The following EFCAB6 variants were observed in gnomAD, a reference collection of about 807,000 sequenced individuals.
EFCAB6 encodes EF-hand calcium-binding domain-containing protein 6.
EFCAB6 carries 156 observed loss-of-function variants against 169.8 expected under a neutral mutation model. That is an observed-to-expected ratio of 0.92 (90% confidence interval 0.81 to 1.05). The LOEUF (loss-of-function observed/expected upper bound fraction) is 1.05, where lower values mean the gene tolerates loss of function less well. Ranked by LOEUF, EFCAB6 falls within the 50% of genes least tolerant of loss-of-function variation. The pLI is 0.00. For missense variants in EFCAB6, 1,800 were observed against 1,829.1 expected, an observed-to-expected ratio of 0.98 and a Z score of 0.29; for synonymous variants, 698 against 676.4, an observed-to-expected ratio of 1.03 and a Z score of -0.50.
rs574827567 is a variant in EFCAB6 at position 43,742,692 on chromosome 22, T to C, written c.508-6699A>G. Among the ~76,000 whole-genome samples the C allele has an allele frequency of 7.2e-5, 11 of 152,346 alleles. No individual in the cohort carries two copies. The East Asian group carries it at 2.1e-3, about 29-fold the overall frequency. On this transcript the variant is annotated intron_variant, in intron 6 of 31. Coordinates refer to ENST00000262726, the MANE Select transcript of EFCAB6 (RefSeq NM_022785.4). The stretch of plus-strand genomic sequence containing the variant: ...CACTCTGCGCAGCCCCCGCTGAGCC[T>C]GGCGCTGATTCCAGCCTGACTCCCT...
intron 30 of EFCAB6, chr22:43,532,135 TGAG>T (rs1410998113): frequency 7.1e-6 from 1 of 140,782 alleles, no homozygotes; most frequent in Admixed American, 7.3e-5. Context: ...TGCAGGGATT[TGAG>T]GAGTGGGGGC....
rs575275907 is a variant in EFCAB6 at position 43,743,419 on chromosome 22, G to A, written c.508-7426C>T. On this transcript the variant is annotated intron_variant, in intron 6 of 31. Transcript: ENST00000262726. ...GATGTAGTGACTAGTCACAGGTGCT[G>A]AAATGAGGCTTCAAATCCCAGCTCC... 2.6e-5 allele frequency among the ~76,000 whole-genome samples: 4 copies of A among 152,350 alleles called. No individual in the cohort carries two copies. The South Asian group carries it at 8.3e-4, about 32-fold the overall frequency.
chr22:43,577,800 C>G (rs930302480), intron 25 of EFCAB6, among the ~76,000 whole-genome samples: 2 of 151,752 alleles, frequency 1.3e-5, no homozygotes, highest in Non-Finnish European at 2.9e-5. Context: ...CCTTCCCTCC[C>G]CACATTTAAT....
rs2062643557 is a variant in EFCAB6, at chr22:43,799,919, A to T, written c.-8+9076T>A. The stretch of plus-strand genomic sequence containing the variant: ...CACTGTTTCTACACTGGGAAAAGTG[A>T]GATTGAGGTGGACAACCAGCTTCTC... On this transcript the variant is annotated intron_variant, in intron 2 of 31. Coordinates refer to ENST00000262726, the MANE Select transcript of EFCAB6 (RefSeq NM_022785.4). 2.0e-5 allele frequency among the ~76,000 whole-genome samples: 3 copies of T among 152,086 alleles called. No homozygotes were observed. In the South Asian group the frequency reaches 6.2e-4, roughly 32 times the overall value.
intron 2 of EFCAB6, among the ~76,000 whole-genome samples, chr22:43,806,184 AGGGG>A (rs1401392446): frequency 0.039 from 259 of 6,690 alleles, no homozygotes; most frequent in South Asian, 0.063. Flanking sequence ...AGAGGAGAGG[AGGGG>A]GAGGGGAGGG....
intron 10 of EFCAB6, among the ~76,000 whole-genome samples, chr22:43,698,994 T>C (rs1422607048): frequency 1.3e-5 from 2 of 152,156 alleles, no homozygotes; most frequent in East Asian, 3.8e-4. Flanking sequence ...AGGATTGACA[T>C]CTCCCTGGAA....
chr22:43,731,964 ACT>A (rs1284760497), intron 7 of EFCAB6, among the ~76,000 whole-genome samples, 153 bp from the exon 8 acceptor site: 7 of 152,014 alleles, frequency 4.6e-5, no homozygotes, highest in Non-Finnish European at 8.8e-5. Flanking sequence ...AGAAAATGTT[ACT>A]GTCAGATTTT....
chr22:43,598,356 TAA>T (rs1346234705), intron 23 of EFCAB6, among the ~76,000 whole-genome samples: 2 of 92,970 alleles, frequency 2.2e-5, no homozygotes, highest in Admixed American at 2.1e-4. Flanking sequence ...CTCAGACAGA[TAA>T]AGAGTAAATT....
chr22:43,611,640 T>C (rs1270700724), intron 21 of EFCAB6, among the ~76,000 whole-genome samples: 2 of 151,856 alleles, frequency 1.3e-5, no homozygotes, highest in African/African-American at 4.8e-5. Flanking sequence ...CCACAAAAAA[T>C]ACCAAAAATT....
At chr22:43,791,683 T>G (rs554891744) in intron 2 of EFCAB6, among the ~76,000 whole-genome samples, 45 of 151,852 alleles carry the variant, frequency 3.0e-4, no homozygotes, top group Non-Finnish European at 3.1e-4. Flanking sequence ...AGGACCCTGA[T>G]AGTAACAATG....
intron 17 of EFCAB6, among the ~76,000 whole-genome samples, chr22:43,654,513 G>A (rs2056638950): frequency 6.6e-6 from 1 of 152,244 alleles, no homozygotes. Context: ...CGCCTCTGCG[G>A]TCTTCCTTCC....
chr22:43,735,279 C>G (rs1457253209), intron 7 of EFCAB6, among the ~76,000 whole-genome samples: 6 of 151,986 alleles, frequency 3.9e-5, no homozygotes, highest in Non-Finnish European at 5.9e-5. Context: ...CATGAGGCAG[C>G]TAAATGTTCT....
At chr22:43,577,768 G>A (rs2050354493) in intron 25 of EFCAB6, among the ~76,000 whole-genome samples, 1 of 151,998 alleles carries the variant, frequency 6.6e-6, no homozygotes, top group Admixed American at 6.6e-5. Flanking sequence ...AAGCTCAGCT[G>A]GCTGGGCTGC....
intron 22 of EFCAB6, 42 bp downstream of exon 22, chr22:43,608,440 G>A: frequency 6.3e-7 from 1 of 1,577,506 alleles, no homozygotes; most frequent in Non-Finnish European, 8.7e-7. Flanking sequence ...AGCACCCCTA[G>A]TCCATAAGAA....
chr22:43,720,847 C>T (rs1347687855), intron 8 of EFCAB6, among the ~76,000 whole-genome samples: 6 of 151,880 alleles, frequency 4.0e-5, no homozygotes, highest in Admixed American at 2.6e-4. Flanking sequence ...AATCACAATT[C>T]AAGAAATTAA....
At chr22:43,764,576 C>A (rs1569477860) in intron 5 of EFCAB6, among the ~76,000 whole-genome samples, 2 of 152,116 alleles carry the variant, frequency 1.3e-5, no homozygotes, top group Admixed American at 6.6e-5. Context: ...ATTGCTGGGT[C>A]CAATGATAGT....
chr22:43,604,078 C>A (rs2052734060), intron 22 of EFCAB6, among the ~76,000 whole-genome samples: 1 of 152,068 alleles, frequency 6.6e-6, no homozygotes. Flanking sequence ...TTCCTTCCAC[C>A]ATGATTGTAA....
intron 8 of EFCAB6, among the ~76,000 whole-genome samples, chr22:43,728,432 T>G (rs999111945): frequency 1.3e-5 from 2 of 152,248 alleles, no homozygotes; most frequent in Admixed American, 6.5e-5. Flanking sequence ...TACCCATTAA[T>G]GGGATTGCTG....
In EFCAB6 at chr22:43,777,264, G is replaced by A. The variant is rs1396193212; in HGVS notation, c.140-4161C>T. ...CCGGTCTGAGATGCCGGTTAGATGC[G>A]GTGCACGCAGAAAGGTCCGCGAGGC... On this transcript the variant is annotated intron_variant, in intron 3 of 31. Transcript: ENST00000262726. Among the ~76,000 whole-genome samples the A allele has an allele frequency of 3.9e-5, 6 of 152,198 alleles. No homozygotes were observed. The East Asian group carries it at 5.8e-4, about 15-fold the overall frequency.
Sources: gnomAD v4.1 joint callset for allele counts (sites outside exome capture counted in the v4.1 genomes callset) on GRCh38, gnomAD v4.1.1 for gene constraint, MANE v1.5 for transcripts, NCBI Gene and HGNC (gene_info 2026-07-23, HGNC 2026-07-21) for gene names.